The following ITGB6 variants were observed in gnomAD, a reference collection of about 807,000 sequenced individuals.
ITGB6 encodes the protein integrin subunit beta 6.
In ITGB6, 80 loss-of-function variants were observed where a neutral mutation model predicts 84.5. The observed-to-expected ratio is 0.95, with a 90% confidence interval of 0.79 to 1.14. The LOEUF (loss-of-function observed/expected upper bound fraction) is 1.14, where lower values mean the gene tolerates loss of function less well. Among genes scored for constraint, ITGB6 ranks in the 50% most tolerant of loss-of-function variants. ITGB6 has a pLI of 0.00. For missense variants in ITGB6, 1,006 were observed against 968.0 expected (o/e 1.04, Z -0.52); for synonymous variants, 383 against 354.9 (o/e 1.08, Z -0.89).
At chr2:160,104,200 G>A (rs1430896223) in intron 14 of ITGB6, among the ~76,000 whole-genome samples, 1 of 152,180 alleles carries the variant, frequency 6.6e-6, no homozygotes, top group Non-Finnish European at 1.5e-5. Context: ...AGGTGGAAGT[G>A]TAAAAGTGGA....
chr2:160,128,738 T>C (rs1344143789), intron 10 of ITGB6, among the ~76,000 whole-genome samples: 1 of 152,114 alleles, frequency 6.6e-6, no homozygotes, highest in Non-Finnish European at 1.5e-5. Context: ...GGCTTTTCAC[T>C]GAACTGGAAT....
intron 4 of ITGB6, among the ~76,000 whole-genome samples, chr2:160,188,700 T>C (rs1210073074): frequency 2.0e-5 from 3 of 151,854 alleles, no homozygotes; most frequent in Admixed American, 1.3e-4. Context: ...GCCTCCCTGG[T>C]TTAAGTGATT....
intron 12 of ITGB6, among the ~76,000 whole-genome samples, chr2:160,120,791 C>A (rs969206380): frequency 2.7e-5 from 4 of 145,780 alleles, no homozygotes; most frequent in Non-Finnish European, 4.5e-5. Flanking sequence ...AACCATCATT[C>A]TCAGCAAACT....
At chr2:160,150,009 C>T (rs755036619) in intron 7 of ITGB6, among the ~76,000 whole-genome samples, 73 of 152,154 alleles carry the variant, frequency 4.8e-4, no homozygotes, top group Non-Finnish European at 6.9e-4. Flanking sequence ...ATGGGGAGAA[C>T]GGAACCAAGT....
chr2:160,171,329 A>AT (rs33951758), intron 6 of ITGB6, among the ~76,000 whole-genome samples: 18,506 of 123,412 alleles, frequency 0.15, 2,316 homozygotes, highest in South Asian at 0.34. Context: ...AATCAAATTT[A>AT]TTTTTTTATT....
chr2:160,197,327 C>G (rs1444876575), intron 2 of ITGB6, among the ~76,000 whole-genome samples: 1 of 152,008 alleles, frequency 6.6e-6, no homozygotes, highest in Admixed American at 6.6e-5. Flanking sequence ...CTGCGTGGGA[C>G]ACAGGAGTTT....
intron 12 of ITGB6, among the ~76,000 whole-genome samples, chr2:160,119,578 G>A (rs1682938442): frequency 6.6e-6 from 1 of 151,858 alleles, no homozygotes; most frequent in South Asian, 2.1e-4. Flanking sequence ...AGAAAACCTA[G>A]GCAATACCAT....
chr2:160,185,507 T>C (rs1685858708), intron 4 of ITGB6, among the ~76,000 whole-genome samples: 1 of 152,218 alleles, frequency 6.6e-6, no homozygotes, highest in East Asian at 1.9e-4. Context: ...TCCATGCTCA[T>C]GGATAGGAAG....
chr2:160,196,197 G>A lies in ITGB6; in HGVS notation c.346+19C>T. 2 of 1,605,688 alleles carry A rather than the reference G, an allele frequency of 1.2e-6. No homozygotes were observed. The highest frequency in any genetic ancestry group is 1.7e-6 in the Non-Finnish European group (2 of 1,172,538). ...TATATGACATTAGATCTATTTACAT[G>A]AGCCAAATCCTAACATACCTGGTCT... On this transcript the variant is annotated intron_variant, in intron 3 of 14. Transcript: ENST00000283249.
intron 12 of ITGB6, among the ~76,000 whole-genome samples, chr2:160,122,481 A>G (rs1321261166): frequency 6.6e-6 from 1 of 152,146 alleles, no homozygotes; most frequent in Non-Finnish European, 1.5e-5. Flanking sequence ...GTTTCTCAGA[A>G]ACACTTGGTA....
At chr2:160,105,068 G>A (rs113660603) in intron 14 of ITGB6, among the ~76,000 whole-genome samples, 118 of 152,322 alleles carry the variant, frequency 7.7e-4, no homozygotes, top group African/African-American at 2.8e-3. Context: ...TGTGTGCAGT[G>A]AGCGACATTT....
intron 11 of ITGB6, 150 bp downstream of exon 11, chr2:160,126,229 A>G (rs1683235399): frequency 1.2e-5 from 8 of 660,064 alleles, no homozygotes; most frequent in Non-Finnish European, 1.6e-5. Context: ...TGAAGATCAC[A>G]GAGGCCCTGT....
At chr2:160,124,337 T>C (rs1288218597) in intron 11 of ITGB6, among the ~76,000 whole-genome samples, 1 of 152,236 alleles carries the variant, frequency 6.6e-6, no homozygotes, top group Non-Finnish European at 1.5e-5. Context: ...ACTTTGTATA[T>C]GTCTTATATG....
At position 160,195,497 on chromosome 2, in the gene ITGB6, C is replaced by T; in HGVS notation, c.465G>A (p.Leu155=). 4 of 1,614,170 alleles carry T rather than the reference C, an allele frequency of 2.5e-6. No individual in the cohort carries two copies. The highest frequency in any genetic ancestry group is 3.4e-6 in the Non-Finnish European group (4 of 1,180,010). The part of the protein sequence containing the change: ...MDDDLNTIKE[L]GSRLSKEMSK... The stretch of plus-strand genomic sequence containing the variant: ...ACATCTCTTTGGAAAGCCGGGAGCC[C>T]AGCTCCTTTATTGTGTTGAGGTCGT... Residue 155 remains leucine, a synonymous_variant, in exon 4 of 15, where the codon CTG becomes CTA. Transcript: ENST00000283249.
In ITGB6 at chr2:160,137,459, C is replaced by G. The variant is rs1405835080; in HGVS notation, c.1635G>C (p.Val545=). 1.2e-6 allele frequency: 2 copies of G among 1,612,008 alleles called. No homozygotes were observed. The highest frequency in any genetic ancestry group is 2.7e-5 in the African/African-American group (2 of 74,914). ...CTCCGCAGAGCAGCCCTTTGTGTCT[C>G]ACGCAGGAGAAATTGTCACACTGGC... ...PYCQCDNFSC[V]RHKGLLCGGN... is the part of the protein sequence containing the mutation. The change falls in exon 10 of 15, where the codon GTG becomes GTC. Residue 545 remains valine, a synonymous_variant. Coordinates refer to ENST00000283249, the MANE Select transcript of ITGB6 (RefSeq NM_000888.5).
rs534684255 is a variant in ITGB6 at position 160,112,484 on chromosome 2, T to A, written c.1982-285A>T. 5.3e-5 allele frequency among the ~76,000 whole-genome samples: 8 copies of A among 152,260 alleles called. No individual in the cohort carries two copies. The South Asian group carries it at 6.2e-4, about 12-fold the overall frequency. On this transcript the variant is annotated intron_variant, in intron 12 of 14. Coordinates refer to ENST00000283249, the MANE Select transcript of ITGB6 (RefSeq NM_000888.5). ...CAGGCTGAACGTACTTCAAGGCAGG[T>A]ACCCACAGCTGCCTTGGGAATAGAA...
At position 160,197,295 on chromosome 2, in the gene ITGB6, C is replaced by CA. The variant is rs892650556; in HGVS notation, c.142-876dup. Reference sequence around the variant, plus strand: ...TGGGCGACAGAGCAAGACTCCGTCTCAAAAAAAAAAAGTCTGCTTTTCTGC... The same window carrying CA: ...TGGGCGACAGAGCAAGACTCCGTCTCAAAAAAAAAAAAGTCTGCTTTTCTGC... On this transcript the variant is annotated intron_variant, in intron 2 of 14. Transcript: ENST00000283249. 9.0e-4 allele frequency among the ~76,000 whole-genome samples: 129 copies of CA among 143,482 alleles called. 1 individual carries two copies. In the South Asian group the frequency reaches 9.8e-3, roughly 11 times the overall value. 94.1% of individuals were successfully genotyped at this position (143,482 alleles called of 152,430 possible).
intron 10 of ITGB6, among the ~76,000 whole-genome samples, chr2:160,133,864 A>G (rs1683581442): frequency 6.6e-6 from 1 of 152,216 alleles, no homozygotes; most frequent in African/African-American, 2.4e-5. Context: ...CAACGAGAAC[A>G]AAGACACAAC....
chr2:160,103,130 A>G (rs1696786313), intron 14 of ITGB6, among the ~76,000 whole-genome samples: 3 of 152,188 alleles, frequency 2.0e-5, no homozygotes, highest in Admixed American at 1.3e-4. Context: ...TTATACTTTG[A>G]TCACCTCATT....
Sources: allele counts gnomAD v4.1 joint callset (sites outside exome capture counted in the v4.1 genomes callset), GRCh38; gene constraint gnomAD v4.1.1; transcripts MANE v1.5; gene names NCBI Gene and HGNC (gene_info 2026-07-23, HGNC 2026-07-21).